The following FAM120C variants were observed in gnomAD, a reference collection of about 807,000 sequenced individuals.
The protein encoded by FAM120C is constitutive coactivator of PPAR-gamma-like protein 2.
FAM120C carries 14 observed loss-of-function variants against 71.2 expected under a neutral mutation model. That is an observed-to-expected ratio of 0.20 (90% CI 0.13 to 0.31). FAM120C has a LOEUF of 0.31. Ranked by LOEUF, FAM120C falls within the 10% of genes least tolerant of loss-of-function variation. The pLI, the probability that FAM120C is intolerant of heterozygous loss-of-function variation, is 1.00. For synonymous variants in FAM120C, 354 were observed against 353.2 expected (o/e 1.00, Z -0.03); for missense variants, 500 against 879.0 (o/e 0.57, Z 5.45).
chrX:54,144,110 ACAGCCC>A, intron 4 of FAM120C, among the ~76,000 whole-genome samples: 1 of 111,777 alleles, frequency 8.9e-6, no homozygotes, highest in South Asian at 3.7e-4. Flanking sequence ...ACAAAACTCA[ACAGCCC>A]TTCATGCTAA....
In FAM120C at chrX:54,139,078, G is replaced by C. The variant is rs140721314; in HGVS notation, c.1159-2488C>G. Among the ~76,000 whole-genome samples the C allele has an allele frequency of 6.1e-3, 679 of 110,900 alleles. 7 individuals carry two copies. Among genetic ancestry groups the C allele is most frequent in the African/African-American group, 0.021 (635 of 30,575 alleles). ...TCTCACATAGGCATATTTTTATGTA[G>C]GTCTTCTGGGTTATTTCATAGGGCA... is the stretch of plus-strand genomic sequence containing the variant. On this transcript the variant is annotated intron_variant, in intron 4 of 15. Coordinates refer to ENST00000375180, the MANE Select transcript of FAM120C (RefSeq NM_017848.6).
At chrX:54,178,856 C>T (rs1416250921) in intron 1 of FAM120C, among the ~76,000 whole-genome samples, 5 of 111,924 alleles carry the variant, frequency 4.5e-5, no homozygotes, top group African/African-American at 1.3e-4. Context: ...GCCATATCCA[C>T]GTACTGCAAC....
intron 1 of FAM120C, among the ~76,000 whole-genome samples, chrX:54,178,281 C>T (rs1050883848): frequency 8.9e-6 from 1 of 112,064 alleles, no homozygotes; most frequent in East Asian, 2.8e-4. Context: ...TTAGCTTACA[C>T]ATTTGCCTTG....
At chrX:54,182,090 T>A (rs1285550213) in intron 1 of FAM120C, among the ~76,000 whole-genome samples, 1 of 111,474 alleles carries the variant, frequency 9.0e-6, no homozygotes, top group Non-Finnish European at 1.9e-5. Flanking sequence ...TACTGCGAGG[T>A]TGGAAAGAGA....
rs1311904603 is a variant in FAM120C at position 54,070,034 on chromosome X, GTGAAGGATGACAGTC to G, written c.*2984_*2998del. ...ATAAAAGCTAGAAATGGAACCTCAGGTGAAGGATGACAGTCTCTTCAAGTGGTGAAGCAAAGATCA... is the reference window on the plus strand; with the variant it reads ...ATAAAAGCTAGAAATGGAACCTCAGGTCTTCAAGTGGTGAAGCAAAGATCA... On this transcript the variant is annotated 3_prime_UTR_variant, in exon 16 of 16. Coordinates refer to ENST00000375180, the MANE Select transcript of FAM120C (RefSeq NM_017848.6). The G allele has an allele frequency of 2.7e-5, 3 of 111,921 alleles. No homozygotes were observed. Among genetic ancestry groups the G allele is most frequent in the African/African-American group, 9.7e-5 (3 of 30,831 alleles). 9.2% of individuals were successfully genotyped at this position (111,921 alleles called of 1,213,427 possible).
intron 1 of FAM120C, among the ~76,000 whole-genome samples, chrX:54,175,275 C>T (rs2067310663): frequency 9.0e-6 from 1 of 111,729 alleles, no homozygotes; most frequent in Admixed American, 9.5e-5. Flanking sequence ...AATACATTGG[C>T]TGAATAAATT....
At chrX:54,165,332 C>T (rs1298477004) in intron 1 of FAM120C, among the ~76,000 whole-genome samples, 1 of 111,672 alleles carries the variant, frequency 9.0e-6, no homozygotes, top group Admixed American at 9.6e-5. Context: ...TTCCCCTTCC[C>T]TTTATTTATA....
intron 1 of FAM120C, among the ~76,000 whole-genome samples, chrX:54,164,322 T>C (rs1389095208): frequency 8.9e-6 from 1 of 112,555 alleles, no homozygotes; most frequent in Admixed American, 9.4e-5. Context: ...TTCAGCTGTG[T>C]TATGGATATT....
At chrX:54,165,568 G>C (rs1414251274) in intron 1 of FAM120C, among the ~76,000 whole-genome samples, 2 of 110,384 alleles carry the variant, frequency 1.8e-5, no homozygotes, top group East Asian at 5.7e-4. Context: ...CTTGAGGTCA[G>C]GAGTTCAAGA....
intron 15 of FAM120C, among the ~76,000 whole-genome samples, chrX:54,077,497 T>A (rs1437848978): frequency 9.1e-6 from 1 of 110,416 alleles, no homozygotes; most frequent in Non-Finnish European, 1.9e-5. Context: ...CTGGGCAACA[T>A]GGCAAAACCC....
chrX:54,154,024 C>T (rs961432187), intron 3 of FAM120C, among the ~76,000 whole-genome samples: 6 of 107,387 alleles, frequency 5.6e-5, no homozygotes, highest in African/African-American at 1.7e-4. Flanking sequence ...GGAGAAGTGA[C>T]AGGATCTCAG....
At chrX:54,179,226 C>T (rs894475648) in intron 1 of FAM120C, among the ~76,000 whole-genome samples, 4 of 112,056 alleles carry the variant, frequency 3.6e-5, no homozygotes, top group Non-Finnish European at 5.6e-5. Context: ...ATGGGAAGTC[C>T]GAAGTTGTCT....
intron 10 of FAM120C, among the ~76,000 whole-genome samples, chrX:54,113,849 G>T (rs1191027564): frequency 1.8e-5 from 2 of 111,047 alleles, no homozygotes; most frequent in Non-Finnish European, 3.8e-5. Flanking sequence ...CTGGGAGGCA[G>T]AGATTGCGGT....
intron 4 of FAM120C, among the ~76,000 whole-genome samples, chrX:54,141,255 G>A (rs1487619308): frequency 9.0e-6 from 1 of 111,300 alleles, no homozygotes; most frequent in East Asian, 2.8e-4. Flanking sequence ...GAAAATAAAT[G>A]CAAAAATACT....
intron 9 of FAM120C, among the ~76,000 whole-genome samples, chrX:54,117,345 C>A (rs1212199923): frequency 2.4e-5 from 2 of 82,530 alleles, no homozygotes; most frequent in African/African-American, 1.1e-4. Flanking sequence ...AGAGTGAAAT[C>A]CTGTCTCTAA....
At chrX:54,116,476 A>C in intron 10 of FAM120C, 69 bp downstream of exon 10, 2 of 1,094,025 alleles carry the variant, frequency 1.8e-6, no homozygotes, top group Middle Eastern at 2.6e-4. Context: ...CCATAAAAGC[A>C]GGTGCTTAAA....
intron 10 of FAM120C, among the ~76,000 whole-genome samples, chrX:54,099,805 G>A (rs781938625): frequency 5.3e-5 from 6 of 112,159 alleles, no homozygotes; most frequent in Admixed American, 9.5e-5. Flanking sequence ...CTGGACACTC[G>A]AATGTAACTA....
chrX:54,173,119 T>C (rs887973162), intron 1 of FAM120C, among the ~76,000 whole-genome samples: 1 of 112,751 alleles, frequency 8.9e-6, no homozygotes, highest in Admixed American at 9.4e-5. Flanking sequence ...CCCCTGGCAG[T>C]TTTTTCATTT....
At chrX:54,092,820 T>C (rs782308527) in intron 10 of FAM120C, among the ~76,000 whole-genome samples, 1 of 111,749 alleles carries the variant, frequency 8.9e-6, no homozygotes, top group South Asian at 3.8e-4. Flanking sequence ...TCTTATTTCA[T>C]TGGCAAAATG....
Sources: allele counts gnomAD v4.1 joint callset (sites outside exome capture counted in the v4.1 genomes callset), GRCh38; gene constraint gnomAD v4.1.1; transcripts MANE v1.5; gene names NCBI Gene and HGNC (gene_info 2026-07-23, HGNC 2026-07-21).